The following DDX43 variants were observed in gnomAD, a reference collection of about 807,000 sequenced individuals.
The protein encoded by DDX43 is probable ATP-dependent RNA helicase DDX43.
Under a neutral mutation model 84.9 loss-of-function variants are expected in DDX43, and 50 were observed. The ratio of observed to expected loss-of-function variants is 0.59; its 90% CI spans 0.47 to 0.75. The LOEUF (loss-of-function observed/expected upper bound fraction) is 0.75, where lower values mean the gene tolerates loss of function less well. Among genes scored for constraint, DDX43 ranks in the 30% least tolerant of loss-of-function variants. DDX43 has a pLI of 0.00. For missense variants in DDX43, 689 were observed against 798.6 expected (o/e 0.86, Z 1.65); for synonymous variants, 291 against 266.3 (o/e 1.09, Z -0.90).
chr6:73,402,007 A>G lies in DDX43; in HGVS notation c.568+17A>G, dbSNP rs1267403218. ...AGTGGGCAGGTCAGTGCTGCTTCCT[A>G]ATATTTACATATATTGTTTCTGTTA... On this transcript the variant is annotated intron_variant, in intron 4 of 16. Transcript: ENST00000370336. 1.9e-6 allele frequency: 3 copies of G among 1,612,670 alleles called. No homozygotes were observed. In the East Asian group the frequency reaches 6.7e-5, roughly 36 times the overall value.
intron 11 of DDX43, among the ~76,000 whole-genome samples, chr6:73,412,636 A>AGTGTGTGTGTGTG (rs1408960532): frequency 2.5e-5 from 1 of 39,636 alleles, no homozygotes; most frequent in East Asian, 9.3e-4. Flanking sequence ...ATATATATAT[A>AGTGTGTGTGTGTG]TAGTGTGTGT....
In DDX43 at chr6:73,417,508, CAAAG is replaced by C. The variant is rs958896065; in HGVS notation, c.*350_*353del. 5 of 152,182 alleles carry C rather than the reference CAAAG, an allele frequency of 3.3e-5. No homozygotes were observed. Among genetic ancestry groups the C allele is most frequent in the Non-Finnish European group, 7.4e-5 (5 of 67,960 alleles). 9.4% of individuals were successfully genotyped at this position (152,182 alleles called of 1,614,324 possible). ...TGGCAGTGAAAAAGATGTTTTCAAA[CAAAG>C]AATCAGCACCTGAAAAAATACTGTT... is the stretch of plus-strand genomic sequence containing the variant. On this transcript the variant is annotated 3_prime_UTR_variant, in exon 17 of 17. Coordinates refer to ENST00000370336, the MANE Select transcript of DDX43 (RefSeq NM_018665.3).
At chr6:73,409,788 T>C (rs1432939035) in intron 10 of DDX43, among the ~76,000 whole-genome samples, 1 of 152,184 alleles carries the variant, frequency 6.6e-6, no homozygotes, top group Non-Finnish European at 1.5e-5. Context: ...CCCAGCTCTT[T>C]GGGAGGCCGA....
chr6:73,405,550 A>G, intron 5 of DDX43, 129 bp from the exon 6 acceptor site: 1 of 841,372 alleles, frequency 1.2e-6, no homozygotes, highest in Admixed American at 2.8e-5. Flanking sequence ...ATTTCATTAT[A>G]ACTTCCCTGA....
In DDX43 at chr6:73,416,127, G is replaced by T. The variant is rs1375230037; in HGVS notation, c.1848G>T (p.Glu616Asp). Residue 616 changes from glutamate (E) to aspartate (D), a missense_variant, in exon 16 of 17, where the codon GAG (glutamate) becomes GAT (aspartate). Coordinates refer to ENST00000370336, the MANE Select transcript of DDX43 (RefSeq NM_018665.3). Reference sequence around the variant, plus strand: ...AATAATTTCAGAGTATTCCAGAGGAGCTTGTATCAATGGCTGAGAGGTTTA... The same window carrying T: ...AATAATTTCAGAGTATTCCAGAGGATCTTGTATCAATGGCTGAGAGGTTTA... ...LERANQSIPE[E>D]LVSMAERFKA... The T allele has an allele frequency of 1.9e-6, 3 of 1,544,690 alleles. No homozygotes were observed. The highest frequency in any genetic ancestry group is 2.7e-6 in the Non-Finnish European group (3 of 1,116,160).
At chr6:73,405,596 G>C in intron 5 of DDX43, 83 bp from the exon 6 acceptor site, 1 of 1,374,454 alleles carries the variant, frequency 7.3e-7, no homozygotes, top group Non-Finnish European at 1.0e-6. Context: ...TGAATTTCTA[G>C]ATAAGACCAG....
chr6:73,403,307 T>A (rs542833320), intron 4 of DDX43, among the ~76,000 whole-genome samples: 2 of 152,136 alleles, frequency 1.3e-5, no homozygotes, highest in Admixed American at 1.3e-4. Flanking sequence ...CCATCTCTAC[T>A]AAAAATACAA....
In DDX43 at chr6:73,394,889, C is replaced by G. The variant is rs767504506; in HGVS notation, c.-17C>G. The G allele has an allele frequency of 1.9e-6, 3 of 1,612,986 alleles. No individual in the cohort carries two copies. The highest frequency in any genetic ancestry group is 1.1e-5 in the South Asian group (1 of 90,996). ...AGCTGGACGGCAACGACGTCGGACG[C>G]GCCCCTTCTTGGAACAATGTCCCAC... On this transcript the variant is annotated 5_prime_UTR_variant, in exon 1 of 17. Transcript: ENST00000370336.
rs1334712245 is a variant in DDX43, at chr6:73,407,542, C to T, written c.964C>T (p.Leu322=). The T allele has an allele frequency of 1.9e-6, 3 of 1,613,856 alleles. No individual in the cohort carries two copies. Among genetic ancestry groups the T allele is most frequent in the Non-Finnish European group, 2.5e-6 (3 of 1,179,866 alleles). ...GQRNRPGMLV[L]TPTRELALQV... is the part of the protein sequence containing the mutation. The stretch of plus-strand genomic sequence containing the variant: ...AAGGAATAGACCCGGCATGTTAGTT[C>T]TAACTCCCACTCGGGAATTAGCACT... The change falls in exon 8 of 17, where the codon CTA becomes TTA. Residue 322 remains leucine (L), a synonymous_variant. Coordinates refer to ENST00000370336, the MANE Select transcript of DDX43 (RefSeq NM_018665.3).
In DDX43 at chr6:73,407,746, C is replaced by T. The variant is rs139676315; in HGVS notation, c.1037+131C>T. On this transcript the variant is annotated intron_variant, in intron 8 of 16. Coordinates refer to ENST00000370336, the MANE Select transcript of DDX43 (RefSeq NM_018665.3). ...CTCAGCATGGGTCAGGCATTTAGCA[C>T]TACTCTAATCAGTCAGAGCCTGGGT... The T allele has an allele frequency of 3.1e-4, 242 of 788,976 alleles. No homozygotes were observed. In the African/African-American group the frequency reaches 3.1e-3, roughly 10 times the overall value. 48.9% of individuals were successfully genotyped at this position (788,976 alleles called of 1,614,324 possible).
At chr6:73,415,674 C>A in intron 15 of DDX43, 90 bp downstream of exon 15, 1 of 929,834 alleles carries the variant, frequency 1.1e-6, no homozygotes, top group Non-Finnish European at 1.6e-6. Context: ...TATCAGGAAG[C>A]TTCAAATAAG....
chr6:73,412,104 C>T, intron 10 of DDX43, 101 bp from the exon 11 acceptor site: 1 of 942,968 alleles, frequency 1.1e-6, no homozygotes, highest in South Asian at 1.6e-5. Context: ...AAAATAAGTA[C>T]TAAATTTGTC....
Position 73,404,357 on chromosome 6 carries a change from T to C in DDX43, c.569-333T>C, listed in dbSNP as rs116792175. On this transcript the variant is annotated intron_variant, in intron 4 of 16. Transcript: ENST00000370336. ...ATCCACCCGCCTCAGCCTCCTGAAG[T>C]GCCAAGATTACAGGTGTGAGCCACT... Among the ~76,000 whole-genome samples, 481 of 152,282 alleles carry C rather than the reference T, an allele frequency of 3.2e-3. 2 individuals carry two copies. Among genetic ancestry groups the C allele is most frequent in the African/African-American group, 0.011 (459 of 41,564 alleles).
intron 1 of DDX43, among the ~76,000 whole-genome samples, chr6:73,396,860 C>T (rs1158739675): frequency 6.6e-6 from 1 of 152,150 alleles, no homozygotes; most frequent in Non-Finnish European, 1.5e-5. Context: ...AGAATAATAT[C>T]CTCCAGGCTT....
At chr6:73,400,834 T>C (rs1287991812) in intron 3 of DDX43, among the ~76,000 whole-genome samples, 1 of 152,184 alleles carries the variant, frequency 6.6e-6, no homozygotes, top group African/African-American at 2.4e-5. Context: ...AATTACTGAA[T>C]CATATCTAGA....
intron 5 of DDX43, 103 bp downstream of exon 5, chr6:73,404,874 A>G (rs1769641891): frequency 3.4e-6 from 3 of 888,104 alleles, no homozygotes; most frequent in Non-Finnish European, 5.2e-6. Context: ...CTACGCCTTC[A>G]ATATTCAAAT....
chr6:73,416,377 T>C (rs1769900440), intron 16 of DDX43, 126 bp downstream of exon 16: 1 of 540,164 alleles, frequency 1.9e-6, no homozygotes, highest in Non-Finnish European at 3.3e-6. Flanking sequence ...GTTACTCATA[T>C]CTATTACTTA....
In DDX43 at chr6:73,405,715, G is replaced by A; in HGVS notation, c.687G>A (p.Lys229=). Residue 229 remains lysine (K), a synonymous_variant, in exon 6 of 17, where the codon AAG becomes AAA. Transcript: ENST00000370336. The part of the protein sequence containing the change: ...ENFNITWDDL[K]DGEKRPIPNP... ...TTAATATAACGTGGGATGACTTGAA[G>A]GATGGGGAGAAACGACCTATCCCCA... 1 of 1,614,056 alleles carries A rather than the reference G, an allele frequency of 6.2e-7. No individual in the cohort carries two copies. Among genetic ancestry groups the A allele is most frequent in the South Asian group, 1.1e-5 (1 of 91,066 alleles).
At chr6:73,395,906 CTT>C (rs1769461917) in intron 1 of DDX43, among the ~76,000 whole-genome samples, 1 of 151,726 alleles carries the variant, frequency 6.6e-6, no homozygotes, top group Non-Finnish European at 1.5e-5. Flanking sequence ...AAGTTAAAAA[CTT>C]TTCTTACTAC....
Sources: gnomAD v4.1 joint callset for allele counts (sites outside exome capture counted in the v4.1 genomes callset) on GRCh38, gnomAD v4.1.1 for gene constraint, MANE v1.5 for transcripts, NCBI Gene and HGNC (gene_info 2026-07-23, HGNC 2026-07-21) for gene names.